Variants in CSMD2 observed in about 807,000 individuals in gnomAD.
The protein encoded by CSMD2 is CUB and sushi domain-containing protein 2.
In CSMD2, 130 loss-of-function variants were observed where a neutral mutation model predicts 398.5. That is an observed-to-expected ratio of 0.33 (90% CI 0.28 to 0.38). CSMD2 has a LOEUF of 0.38. CSMD2 is among the 10% of genes least tolerant of loss of function. The pLI is 1.00. For synonymous variants in CSMD2, 1,828 were observed against 1,908.5 expected (o/e 0.96, Z 1.10); for missense variants, 3,829 against 4,764.9 (o/e 0.80, Z 5.78).
chr1:33,955,880 AC>A (rs369243618), intron 3 of CSMD2, among the ~76,000 whole-genome samples: 1 of 151,830 alleles, frequency 6.6e-6, no homozygotes, highest in Non-Finnish European at 1.5e-5. Flanking sequence ...CAGGTGCCAA[AC>A]CAGCCACACC....
intron 2 of CSMD2, among the ~76,000 whole-genome samples, chr1:34,077,016 G>A (rs1656459308): frequency 6.9e-6 from 1 of 144,168 alleles, no homozygotes; most frequent in Admixed American, 7.0e-5. Context: ...TAGGAGGAAA[G>A]TTCATTTCTC....
intron 9 of CSMD2, among the ~76,000 whole-genome samples, chr1:33,813,760 T>C (rs1657131215): frequency 2.0e-5 from 3 of 152,178 alleles, no homozygotes; most frequent in African/African-American, 7.2e-5. Flanking sequence ...TCTCTCCAAA[T>C]CTGATTCCCA....
At chr1:34,134,890 C>A (rs184119238) in intron 1 of CSMD2, among the ~76,000 whole-genome samples, 1 of 152,108 alleles carries the variant, frequency 6.6e-6, no homozygotes, top group African/African-American at 2.4e-5. Context: ...CCATCAGATT[C>A]GCAAGTTTTT....
intron 12 of CSMD2, among the ~76,000 whole-genome samples, chr1:33,782,190 C>T (rs1228410876): frequency 6.6e-6 from 1 of 152,148 alleles, no homozygotes; most frequent in Non-Finnish European, 1.5e-5. Flanking sequence ...TACCCGCCCC[C>T]CAACCCCTGC....
chr1:33,966,352 A>G (rs1406752902), intron 3 of CSMD2, among the ~76,000 whole-genome samples: 1 of 152,200 alleles, frequency 6.6e-6, no homozygotes, highest in African/African-American at 2.4e-5. Context: ...CATAAAGTAG[A>G]TCTTTGATCC....
At chr1:33,651,527 C>T (rs774335106) in intron 28 of CSMD2, among the ~76,000 whole-genome samples, 16 of 152,070 alleles carry the variant, frequency 1.1e-4, no homozygotes, top group African/African-American at 1.7e-4. Flanking sequence ...CAGGAATGAC[C>T]GAACTTGTCC....
intron 2 of CSMD2, among the ~76,000 whole-genome samples, chr1:34,077,615 T>C (rs536066154): frequency 1.3e-5 from 2 of 150,946 alleles, no homozygotes; most frequent in South Asian, 2.1e-4. Context: ...CGGGCGCCTG[T>C]AGTCCCAGCT....
At chr1:33,570,166 CTTTTT>C (rs5773416) in intron 51 of CSMD2, among the ~76,000 whole-genome samples, 3 of 117,290 alleles carry the variant, frequency 2.6e-5, no homozygotes, top group South Asian at 2.8e-4. Flanking sequence ...CGGACATTGG[CTTTTT>C]TTTTTTTTTT....
chr1:33,751,699 G>A lies in CSMD2; in HGVS notation c.1847-8093C>T, dbSNP rs146358718. Reference sequence around the variant, plus strand: ...TGCAGTGGCGCAATCTTGGCTCACCGTAACCTCTGCCTCCTGGGTTCATGC... The same window carrying A: ...TGCAGTGGCGCAATCTTGGCTCACCATAACCTCTGCCTCCTGGGTTCATGC... On this transcript the variant is annotated intron_variant, in intron 13 of 70. Coordinates refer to ENST00000373381, the MANE Select transcript of CSMD2 (RefSeq NM_001281956.2). Among the ~76,000 whole-genome samples the A allele has an allele frequency of 5.3e-3, 803 of 152,244 alleles. 10 individuals are homozygous for A. The highest frequency in any genetic ancestry group is 0.018 in the African/African-American group (758 of 41,532).
chr1:33,725,784 C>T (rs912422964), intron 16 of CSMD2, among the ~76,000 whole-genome samples: 1 of 152,130 alleles, frequency 6.6e-6, no homozygotes, highest in Non-Finnish European at 1.5e-5. Context: ...TGTGAGCCAG[C>T]TTAAGACCTA....
chr1:33,962,233 C>A (rs1320983227), intron 3 of CSMD2, among the ~76,000 whole-genome samples: 8 of 152,124 alleles, frequency 5.3e-5, no homozygotes, highest in Non-Finnish European at 1.2e-4. Flanking sequence ...AGGCTTCATC[C>A]ATTTTTAATG....
At chr1:34,018,839 T>C (rs553226700) in intron 3 of CSMD2, among the ~76,000 whole-genome samples, 1 of 152,360 alleles carries the variant, frequency 6.6e-6, no homozygotes, top group African/African-American at 2.4e-5. Flanking sequence ...TGCAGAACTT[T>C]TACATTTGAA....
chr1:34,051,648 C>T (rs2148225188), intron 2 of CSMD2, among the ~76,000 whole-genome samples: 1 of 148,940 alleles, frequency 6.7e-6, no homozygotes, highest in East Asian at 1.9e-4. Context: ...AGAGTAAACA[C>T]CATTCCAAGA....
At chr1:33,544,079 G>A (rs906543320) in intron 57 of CSMD2, among the ~76,000 whole-genome samples, 2 of 150,216 alleles carry the variant, frequency 1.3e-5, no homozygotes, top group Non-Finnish European at 3.0e-5. Flanking sequence ...CCTCGCTGGA[G>A]TGACAAGATG....
intron 41 of CSMD2, among the ~76,000 whole-genome samples, chr1:33,609,947 C>T (rs1225666156): frequency 1.3e-5 from 2 of 152,148 alleles, no homozygotes; most frequent in African/African-American, 4.8e-5. Flanking sequence ...TTTGGTGGCC[C>T]ACCCTCCTAA....
intron 37 of CSMD2, among the ~76,000 whole-genome samples, chr1:33,621,467 C>A (rs1156960430): frequency 6.6e-6 from 1 of 152,204 alleles, no homozygotes; most frequent in Non-Finnish European, 1.5e-5. Flanking sequence ...CCATCTTAAT[C>A]TTTCCCAATC....
intron 64 of CSMD2, among the ~76,000 whole-genome samples, chr1:33,532,490 C>T (rs1327665541): frequency 6.6e-6 from 1 of 152,202 alleles, no homozygotes; most frequent in Non-Finnish European, 1.5e-5. Flanking sequence ...AGTGCCCTTC[C>T]TCCTCATTCC....
At position 33,872,258 on chromosome 1, in the gene CSMD2, A is replaced by G. The variant is rs149680195; in HGVS notation, c.921-25262T>C. Among the ~76,000 whole-genome samples, 979 of 152,198 alleles carry G rather than the reference A, an allele frequency of 6.4e-3. 15 individuals carry two copies. The highest frequency in any genetic ancestry group is 0.022 in the African/African-American group (920 of 41,508). On this transcript the variant is annotated intron_variant, in intron 5 of 70. Transcript: ENST00000373381. Reference sequence around the variant, plus strand: ...ATAATTTCTTCTTACTGCTTATGTGAGAAGAGAGAAAAAAAAAAGTTAAAG... The same window carrying G: ...ATAATTTCTTCTTACTGCTTATGTGGGAAGAGAGAAAAAAAAAAGTTAAAG...
intron 60 of CSMD2, among the ~76,000 whole-genome samples, 178 bp downstream of exon 60, chr1:33,540,347 G>T (rs75196862): frequency 0.011 from 1,714 of 151,988 alleles, 29 homozygotes; most frequent in African/African-American, 0.039. Flanking sequence ...TCAATTAAGG[G>T]ATCCTCATTT....
Sources: allele counts gnomAD v4.1 joint callset (sites outside exome capture counted in the v4.1 genomes callset), GRCh38; gene constraint gnomAD v4.1.1; transcripts MANE v1.5; gene names NCBI Gene and HGNC (gene_info 2026-07-23, HGNC 2026-07-21).